Variants in BRF1 observed in about 807,000 individuals in gnomAD.
BRF1 encodes transcription factor IIIB 90 kDa subunit.
In BRF1, 59 loss-of-function variants were observed where a neutral mutation model predicts 81.7. That is an observed-to-expected ratio of 0.72 (90% confidence interval 0.59 to 0.90). The LOEUF (loss-of-function observed/expected upper bound fraction) is 0.90. Among genes scored for constraint, BRF1 ranks in the 40% least tolerant of loss-of-function variants. The pLI is 0.00. For missense variants in BRF1, 1,050 were observed against 936.3 expected, an observed-to-expected ratio of 1.12 and a Z score of -1.58; for synonymous variants, 491 against 395.6, an observed-to-expected ratio of 1.24 and a Z score of -2.86.
At chr14:105,272,589 G>T in intron 3 of BRF1, 132 bp downstream of exon 3, 2 of 1,185,404 alleles carry the variant, frequency 1.7e-6, no homozygotes, top group Non-Finnish European at 1.1e-6. Flanking sequence ...AACTGAAACA[G>T]TTCTTCCAGT....
At chr14:105,219,720 C>T in intron 12 of BRF1, 1 of 432,020 alleles carries the variant, frequency 2.3e-6, no homozygotes, top group Non-Finnish European at 4.2e-6. Context: ...TGGGGGCGCA[C>T]AGCGCATGTG....
At chr14:105,249,002 G>A in intron 5 of BRF1, 1 of 1,035,982 alleles carries the variant, frequency 9.7e-7, no homozygotes, top group Non-Finnish European at 1.2e-6. Flanking sequence ...CGCCGCCGCC[G>A]CCCGCGCCCG....
chr14:105,292,069 C>T (rs2057537836), intron 1 of BRF1, among the ~76,000 whole-genome samples: 2 of 152,214 alleles, frequency 1.3e-5, no homozygotes, highest in African/African-American at 4.8e-5. Flanking sequence ...CGGCTCACTG[C>T]AGCCTCAACC....
intron 16 of BRF1, chr14:105,211,565 C>T: frequency 2.0e-6 from 1 of 499,872 alleles, no homozygotes. Flanking sequence ...GCTCGGGGAG[C>T]ATGCAGAACA....
intron 1 of BRF1, chr14:105,314,838 T>G (rs970343217): frequency 5.7e-6 from 3 of 522,310 alleles, no homozygotes; most frequent in African/African-American, 2.2e-5. Flanking sequence ...GCCGCCGCCC[T>G]CCGCGCGCCC....
At chr14:105,304,414 G>A (rs2058120470), upstream of BRF1, among the ~76,000 whole-genome samples, 1 of 152,180 alleles carries the variant, frequency 6.6e-6, no homozygotes, top group Non-Finnish European at 1.5e-5. Context: ...CTTGAACCTG[G>A]GAGGCGGGAG....
intron 5 of BRF1, chr14:105,248,982 C>A: frequency 5.1e-6 from 5 of 986,472 alleles, no homozygotes; most frequent in Non-Finnish European, 4.8e-6. Context: ...GCCCAGCGCC[C>A]CCGCGCCAGC....
chr14:105,217,781 C>A lies in BRF1; in HGVS notation c.1535G>T (p.Arg512Leu), dbSNP rs749231735. ...GGTACTGGCCTGAATTGGCTCCCGT[C>A]GCTTGCAAGACTTCTTGGGCTTGAG... Reference protein sequence around the residue: ...KEHKPKKSCKRREPIQASTAR... With the variant: ...KEHKPKKSCKLREPIQASTAR... Residue 512 changes from arginine to leucine, a missense_variant, in exon 15 of 18, where the codon CGA becomes CTA. Coordinates refer to ENST00000547530, the MANE Select transcript of BRF1 (RefSeq NM_001519.4). 3.1e-6 allele frequency: 5 copies of A among 1,612,586 alleles called. No homozygotes were observed. The highest frequency in any genetic ancestry group is 1.1e-5 in the South Asian group (1 of 91,074).
At chr14:105,297,857 G>A (rs1372842969) in intron 1 of BRF1, among the ~76,000 whole-genome samples, 3 of 152,198 alleles carry the variant, frequency 2.0e-5, no homozygotes, top group East Asian at 1.9e-4. Context: ...TTAGCCGGGC[G>A]TGGTGGCGGT....
chr14:105,247,675 G>T, intron 5 of BRF1: 1 of 985,446 alleles, frequency 1.0e-6, no homozygotes, highest in East Asian at 1.1e-4. Context: ...GCGTCCTGTG[G>T]GGTTTCCTGC....
chr14:105,313,542 G>A (rs1434618054), intron 1 of BRF1, among the ~76,000 whole-genome samples: 1 of 152,248 alleles, frequency 6.6e-6, no homozygotes, highest in African/African-American at 2.4e-5. Context: ...TCTAGATACA[G>A]GAGTTACAGC....
intron 5 of BRF1, among the ~76,000 whole-genome samples, chr14:105,244,775 TC>T (rs2054966990): frequency 1.3e-5 from 2 of 152,104 alleles, no homozygotes; most frequent in African/African-American, 4.8e-5. Flanking sequence ...TTAAGACACA[TC>T]ACCATAGACT....
upstream of BRF1, among the ~76,000 whole-genome samples, chr14:105,304,604 G>A (rs2058127815): frequency 6.6e-6 from 1 of 152,258 alleles, no homozygotes; most frequent in Non-Finnish European, 1.5e-5. Context: ...TGCAGAGGAG[G>A]GGTGCTATGG....
chr14:105,296,927 G>C (rs1028937451), intron 1 of BRF1, among the ~76,000 whole-genome samples: 2 of 151,470 alleles, frequency 1.3e-5, no homozygotes. Context: ...AGGCTGAAGT[G>C]GGGGGGGATC....
At chr14:105,226,327 G>T (rs750863928) in intron 8 of BRF1, 37 bp from the exon 9 acceptor site, 6 of 1,613,736 alleles carry the variant, frequency 3.7e-6, no homozygotes, top group Non-Finnish European at 5.1e-6. Flanking sequence ...CGTGAAGGGA[G>T]GCCCTGGTGC....
chr14:105,250,836 C>A, intron 5 of BRF1: 1 of 757,572 alleles, frequency 1.3e-6, no homozygotes, highest in Non-Finnish European at 2.1e-6. Context: ...AGCCAGAACC[C>A]AGGGATTGGA....
At chr14:105,286,218 A>G in intron 2 of BRF1, 78 bp downstream of exon 2, 1 of 1,450,994 alleles carries the variant, frequency 6.9e-7, no homozygotes, top group Non-Finnish European at 9.4e-7. Context: ...TGGCTGAGTC[A>G]GTGCCCTCCA....
intron 1 of BRF1, among the ~76,000 whole-genome samples, chr14:105,314,228 G>A (rs1211652349): frequency 1.3e-5 from 2 of 151,820 alleles, no homozygotes; most frequent in Non-Finnish European, 1.5e-5. Flanking sequence ...CGCACAGCCG[G>A]GCCAACCCAG....
intron 6 of BRF1, among the ~76,000 whole-genome samples, chr14:105,229,469 C>T (rs921036065): frequency 3.9e-5 from 6 of 152,212 alleles, no homozygotes; most frequent in East Asian, 1.9e-4. Flanking sequence ...GGGTAAGGGC[C>T]CGGATGAGGA....
Sources: gnomAD v4.1 joint callset for allele counts (sites outside exome capture counted in the v4.1 genomes callset) on GRCh38, gnomAD v4.1.1 for gene constraint, MANE v1.5 for transcripts, NCBI Gene and HGNC (gene_info 2026-07-23, HGNC 2026-07-21) for gene names.